The following MYT1L variants were observed in gnomAD, a reference collection of about 807,000 sequenced individuals.
The protein encoded by MYT1L is myelin transcription factor 1 like.
In MYT1L, 12 loss-of-function variants were observed where a neutral mutation model predicts 126.7. The observed-to-expected ratio is 0.09, with a 90% CI of 0.06 to 0.15. The LOEUF (loss-of-function observed/expected upper bound fraction) is 0.15, where lower values mean the gene tolerates loss of function less well. MYT1L is among the 10% of genes least tolerant of loss of function. The pLI is 1.00. For synonymous variants in MYT1L, 541 were observed against 604.2 expected (o/e 0.90, Z 1.53); for missense variants, 979 against 1,585.2 (o/e 0.62, Z 6.49).
intron 9 of MYT1L, among the ~76,000 whole-genome samples, chr2:1,932,960 G>A (rs1276734706): frequency 6.6e-6 from 1 of 152,122 alleles, no homozygotes; most frequent in East Asian, 1.9e-4. Flanking sequence ...GTCTAAAGGA[G>A]AACAATGGCA....
intron 3 of MYT1L, among the ~76,000 whole-genome samples, chr2:2,079,274 A>T (rs2075558396): frequency 6.6e-6 from 1 of 152,240 alleles, no homozygotes; most frequent in Non-Finnish European, 1.5e-5. Context: ...AAACATCTGG[A>T]AATAAATTTA....
chr2:1,998,320 T>A (rs1239533187), intron 4 of MYT1L, among the ~76,000 whole-genome samples: 1 of 152,122 alleles, frequency 6.6e-6, no homozygotes, highest in Non-Finnish European at 1.5e-5. Flanking sequence ...CAGATAACCA[T>A]CATGGAAGTG....
chr2:2,039,860 A>G (rs541823436), intron 4 of MYT1L, among the ~76,000 whole-genome samples: 5 of 152,236 alleles, frequency 3.3e-5, no homozygotes, highest in East Asian at 1.9e-4. Context: ...GGCTGCAGGT[A>G]TAAGTGTGTG....
intron 3 of MYT1L, among the ~76,000 whole-genome samples, chr2:2,070,811 G>A (rs1195098528): frequency 2.6e-5 from 4 of 152,146 alleles, no homozygotes; most frequent in African/African-American, 9.7e-5. Flanking sequence ...TCGGCTCCAT[G>A]TACATCATTA....
chr2:2,220,913 A>G (rs1319360833), intron 2 of MYT1L, among the ~76,000 whole-genome samples: 1 of 152,170 alleles, frequency 6.6e-6, no homozygotes, highest in East Asian at 1.9e-4. Context: ...GATGGTGATG[A>G]TTTGAACAAT....
At chr2:1,855,083 T>A (rs67666258) in intron 18 of MYT1L, among the ~76,000 whole-genome samples, 1 of 152,038 alleles carries the variant, frequency 6.6e-6, no homozygotes, top group Non-Finnish European at 1.5e-5. Context: ...TCCATTTTTA[T>A]GTTACTGTTC....
At chr2:1,891,488 A>G (rs1232816098) in intron 15 of MYT1L, among the ~76,000 whole-genome samples, 2 of 152,214 alleles carry the variant, frequency 1.3e-5, no homozygotes, top group African/African-American at 4.8e-5. Flanking sequence ...CACTCTTCCT[A>G]TGCCTTTCAT....
chr2:2,181,510 G>A (rs1334823240), intron 2 of MYT1L, among the ~76,000 whole-genome samples: 1 of 152,172 alleles, frequency 6.6e-6, no homozygotes, highest in Non-Finnish European at 1.5e-5. Flanking sequence ...GTCAGAGGCT[G>A]TGGATGCAGA....
At chr2:2,015,898 C>T (rs1366632952) in intron 4 of MYT1L, among the ~76,000 whole-genome samples, 5 of 152,142 alleles carry the variant, frequency 3.3e-5, no homozygotes, top group Non-Finnish European at 7.4e-5. Context: ...AACTGGGGTC[C>T]CTCCAGGAAT....
Position 2,224,823 on chromosome 2 carries a change from GA to G in MYT1L, c.-420-51836del, listed in dbSNP as rs5828864. Among the ~76,000 whole-genome samples, 105,153 of 146,218 alleles carry G rather than the reference GA, an allele frequency of 0.72. 37,273 individuals are homozygous for G. Among genetic ancestry groups the G allele is most frequent in the East Asian group, 0.78 (3,827 of 4,922 alleles). ...AACAGAGCAAGACTCCGTCTCAAAA[GA>G]AAAAAAAAAAAAGGAAAATAAATGT... is the stretch of plus-strand genomic sequence containing the variant. On this transcript the variant is annotated intron_variant, in intron 2 of 24. Transcript: ENST00000647738. The surrounding 1 kb of genome is among the most constrained non-coding windows in gnomAD (Gnocchi z 4.0).
intron 3 of MYT1L, among the ~76,000 whole-genome samples, chr2:2,154,183 G>A (rs962141146): frequency 1.3e-5 from 2 of 152,182 alleles, no homozygotes; most frequent in Admixed American, 1.3e-4. Flanking sequence ...GATGCCCAAT[G>A]ACGCTGGGGA....
At chr2:1,913,137 T>C (rs1021419023) in intron 11 of MYT1L, among the ~76,000 whole-genome samples, 6 of 152,202 alleles carry the variant, frequency 3.9e-5, no homozygotes, top group African/African-American at 1.4e-4. Context: ...CCTCCTTCTC[T>C]AGAACAACCT....
chr2:1,791,765 A>C lies in MYT1L; in HGVS notation c.*102T>G. ...GTCTTGTAAGCATAACACTGTTTCAAATTCAAACAGAAATAAATATAGAAC... is the reference window on the plus strand; with the variant it reads ...GTCTTGTAAGCATAACACTGTTTCACATTCAAACAGAAATAAATATAGAAC... On this transcript the variant is annotated 3_prime_UTR_variant, in exon 25 of 25. Coordinates refer to ENST00000647738, the MANE Select transcript of MYT1L (RefSeq NM_001303052.2). The surrounding 1 kb of genome is among the most constrained non-coding windows in gnomAD (Gnocchi z 6.0). 1 of 1,201,018 alleles carries C rather than the reference A, an allele frequency of 8.3e-7. No individual in the cohort carries two copies. The highest frequency in any genetic ancestry group is 1.8e-5 in the South Asian group (1 of 56,768). 74.4% of individuals were successfully genotyped at this position (1,201,018 alleles called of 1,614,324 possible).
chr2:2,111,922 CCATCA>C (rs2079512858), intron 3 of MYT1L, among the ~76,000 whole-genome samples: 2 of 152,234 alleles, frequency 1.3e-5, no homozygotes, highest in Admixed American at 1.3e-4. Flanking sequence ...CTTGCTTTTG[CCATCA>C]CTCCTGTGAA....
chr2:1,895,462 G>A (rs1000202261), intron 14 of MYT1L, among the ~76,000 whole-genome samples: 1 of 152,124 alleles, frequency 6.6e-6, no homozygotes, highest in South Asian at 2.1e-4. Context: ...CAAAGTACAC[G>A]ATAAGGCTAC....
rs998623709 is a variant in MYT1L at position 2,102,457 on chromosome 2, A to C, written c.-303-48334T>G. Among the ~76,000 whole-genome samples the C allele has an allele frequency of 2.0e-5, 3 of 152,298 alleles. No homozygotes were observed. The East Asian group carries it at 5.8e-4, about 29-fold the overall frequency. On this transcript the variant is annotated intron_variant, in intron 3 of 24. Transcript: ENST00000647738. The stretch of plus-strand genomic sequence containing the variant: ...CTTCTAATTTCATCTGCCGAATTCC[A>C]AGCCCTCTTAAACATATCAATATTG...
chr2:1,857,832 T>TA (rs946167072), intron 18 of MYT1L, among the ~76,000 whole-genome samples: 5 of 151,594 alleles, frequency 3.3e-5, no homozygotes, highest in Non-Finnish European at 5.9e-5. Context: ...AGAGACATGG[T>TA]AAAAAAAATT....
chr2:1,963,628 T>C (rs977534398), intron 8 of MYT1L, among the ~76,000 whole-genome samples: 2 of 152,260 alleles, frequency 1.3e-5, no homozygotes, highest in African/African-American at 4.8e-5. Context: ...CTGAGTAACT[T>C]GCTATAGCTT....
At chr2:2,003,988 A>ACTTTCCT (rs1558693907) in intron 4 of MYT1L, among the ~76,000 whole-genome samples, 3 of 106,990 alleles carry the variant, frequency 2.8e-5, no homozygotes, top group Admixed American at 9.0e-5. Flanking sequence ...CTTTCCTGCA[A>ACTTTCCT]GCGTTCTTTC....
Sources: gnomAD v4.1 joint callset for allele counts (sites outside exome capture counted in the v4.1 genomes callset) on GRCh38, gnomAD v4.1.1 for gene constraint, Gnocchi (gnomAD v3.1) non-coding constraint, MANE v1.5 for transcripts, NCBI Gene and HGNC (gene_info 2026-07-23, HGNC 2026-07-21) for gene names.